Variants in ALMS1 observed in about 807,000 individuals in gnomAD.
ALMS1 encodes ALMS1 centrosome and basal body associated protein.
ALMS1 carries 271 observed loss-of-function variants against 352.2 expected under a neutral mutation model. The ratio of observed to expected loss-of-function variants is 0.77; its 90% CI spans 0.70 to 0.85. The LOEUF (loss-of-function observed/expected upper bound fraction) is 0.85. Ranked by LOEUF, ALMS1 falls within the 40% of genes least tolerant of loss-of-function variation. The pLI is 0.00. For synonymous variants in ALMS1, 1,865 were observed against 1,761.2 expected (o/e 1.06, Z -1.48); for missense variants, 5,445 against 4,870.7 (o/e 1.12, Z -3.51).
intron 16 of ALMS1, among the ~76,000 whole-genome samples, chr2:73,595,724 T>C (rs1460442959): frequency 1.3e-5 from 2 of 152,216 alleles, no homozygotes; most frequent in South Asian, 2.1e-4. Flanking sequence ...TTTTCCAGAG[T>C]GGCTGTATCA....
intron 9 of ALMS1, among the ~76,000 whole-genome samples, chr2:73,459,724 T>C (rs546466145): frequency 3.2e-4 from 49 of 152,306 alleles, no homozygotes; most frequent in African/African-American, 9.9e-4. Context: ...TCACCCACTT[T>C]CTGAGCTAGG....
At chr2:73,544,521 AT>A (rs1474047464) in intron 12 of ALMS1, among the ~76,000 whole-genome samples, 2 of 152,136 alleles carry the variant, frequency 1.3e-5, no homozygotes, top group Non-Finnish European at 1.5e-5. Flanking sequence ...TAGTAAAAAA[AT>A]AAATAAATAA....
At chr2:73,542,106 G>T (rs1187043010) in intron 12 of ALMS1, among the ~76,000 whole-genome samples, 1 of 152,152 alleles carries the variant, frequency 6.6e-6, no homozygotes, top group Non-Finnish European at 1.5e-5. Flanking sequence ...AAACATTGAT[G>T]CAAAAATCCT....
chr2:73,479,605 A>G (rs542311470), intron 9 of ALMS1, among the ~76,000 whole-genome samples: 1 of 152,266 alleles, frequency 6.6e-6, no homozygotes, highest in Non-Finnish European at 1.5e-5. Flanking sequence ...AATGCACCAC[A>G]GTTTAAATAT....
chr2:73,482,756 T>G (rs1279416826), intron 9 of ALMS1, among the ~76,000 whole-genome samples: 8 of 151,884 alleles, frequency 5.3e-5, no homozygotes, highest in Admixed American at 2.6e-4. Context: ...CAATTTCAGA[T>G]CCTGTTATTG....
At chr2:73,568,241 T>C (rs1674843269) in intron 15 of ALMS1, among the ~76,000 whole-genome samples, 3 of 152,214 alleles carry the variant, frequency 2.0e-5, no homozygotes, top group Non-Finnish European at 4.4e-5. Context: ...ATTCATGTAC[T>C]CTTATAAGAC....
At position 73,491,229 on chromosome 2, in the gene ALMS1, A is replaced by G. The variant is rs779871507; in HGVS notation, c.9270A>G (p.Val3090=). 13 of 1,614,040 alleles carry G rather than the reference A, an allele frequency of 8.1e-6. No homozygotes were observed. The highest frequency in any genetic ancestry group is 1.3e-5 in the African/African-American group (1 of 74,944). The change falls in exon 10 of 23, where the codon GTA becomes GTG. Residue 3090 remains valine, a synonymous_variant. Transcript: ENST00000613296. ...NSEFNFDLHT[V]SSRSLEPTSK... ...AGTTTAACTTTGACTTACATACTGT[A>G]TCTTCGAGATCACTGGAACCAACCT...
intron 16 of ALMS1, among the ~76,000 whole-genome samples, chr2:73,588,453 C>T (rs1675355353): frequency 6.6e-6 from 1 of 152,036 alleles, no homozygotes; most frequent in African/African-American, 2.4e-5. Context: ...CTCTTTCCTC[C>T]CCCACCCTTA....
chr2:73,438,738 T>C (rs6746458), intron 7 of ALMS1, among the ~76,000 whole-genome samples: 132,612 of 152,180 alleles, frequency 0.87, 57,863 homozygotes, highest in Admixed American at 0.92. Context: ...ATAGAAAATA[T>C]CAAAAAAGAC....
chr2:73,582,720 A>T (rs1675212550), intron 16 of ALMS1, among the ~76,000 whole-genome samples: 1 of 152,124 alleles, frequency 6.6e-6, no homozygotes, highest in South Asian at 2.1e-4. Flanking sequence ...TCCCTTTTTA[A>T]TTCTGTATGA....
intron 7 of ALMS1, among the ~76,000 whole-genome samples, chr2:73,436,680 A>T (rs1269056400): frequency 6.6e-6 from 1 of 151,752 alleles, no homozygotes; most frequent in Admixed American, 6.6e-5. Flanking sequence ...CCTCTAGTGA[A>T]TTTTTCACTT....
In ALMS1 at chr2:73,542,673, A is replaced by T. The variant is rs1377887988; in HGVS notation, c.9908-7594A>T. Among the ~76,000 whole-genome samples, 7 of 152,340 alleles carry T rather than the reference A, an allele frequency of 4.6e-5. No homozygotes were observed. In the East Asian group the frequency reaches 1.2e-3, roughly 25 times the overall value. ...TAAGCAACTTCAGCAAAGTCACAGGATACAAAATCAGTGTAGAAAAATCAC... is the reference window on the plus strand; with the variant it reads ...TAAGCAACTTCAGCAAAGTCACAGGTTACAAAATCAGTGTAGAAAAATCAC... On this transcript the variant is annotated intron_variant, in intron 12 of 22. Coordinates refer to ENST00000613296, the MANE Select transcript of ALMS1 (RefSeq NM_001378454.1).
chr2:73,593,152 C>G (rs1167146460), intron 16 of ALMS1, among the ~76,000 whole-genome samples: 1 of 148,564 alleles, frequency 6.7e-6, no homozygotes, highest in Non-Finnish European at 1.5e-5. Flanking sequence ...GGAAAGTGAA[C>G]TGTTTTGGTT....
At chr2:73,589,742 T>C (rs967549742) in intron 16 of ALMS1, among the ~76,000 whole-genome samples, 9 of 152,212 alleles carry the variant, frequency 5.9e-5, no homozygotes, top group Non-Finnish European at 1.0e-4. Context: ...CACTTACGCA[T>C]GAACACCCAG....
rs1671871721 is a variant in ALMS1 at position 73,449,079 on chromosome 2, C to G, written c.2552C>G (p.Pro851Arg). Residue 851 changes from proline (P) to arginine (R), a missense_variant, in exon 8 of 23, where the codon CCA (proline) becomes CGA (arginine). By Grantham distance (103) the Pro-to-Arg change is moderately radical. Transcript: ENST00000613296. ...SGPADGKTGT[P>R]AVTSTSSASS... ...CCAGCTGACGGAAAGACTGGGACAC[C>G]AGCTGTAACCTCTACTTCCTCTGCG... 6.2e-7 allele frequency: 1 copy of G among 1,614,020 alleles called. No individual in the cohort carries two copies.
intron 10 of ALMS1, among the ~76,000 whole-genome samples, chr2:73,507,147 T>C (rs1304263872): frequency 2.0e-5 from 3 of 152,234 alleles, no homozygotes; most frequent in Admixed American, 6.5e-5. Context: ...TCTTGGTGGA[T>C]AAGCTTTTGA....
chr2:73,528,453 T>C (rs912700174), intron 11 of ALMS1, among the ~76,000 whole-genome samples: 10 of 152,270 alleles, frequency 6.6e-5, no homozygotes. Context: ...TCTTGCTGAA[T>C]TGACCTCTTT....
chr2:73,490,318 A>T lies in ALMS1; in HGVS notation c.8359A>T (p.Ile2787Phe), dbSNP rs200075429. 1 of 1,611,666 alleles carries T rather than the reference A, an allele frequency of 6.2e-7. No homozygotes were observed. Among genetic ancestry groups the T allele is most frequent in the East Asian group, 2.2e-5 (1 of 44,860 alleles). The change falls in exon 10 of 23, where the codon ATT becomes TTT. Residue 2787 changes from isoleucine to phenylalanine, a missense_variant. Ile to Phe is a conservative substitution (Grantham distance 21, BLOSUM62 0). Coordinates refer to ENST00000613296, the MANE Select transcript of ALMS1 (RefSeq NM_001378454.1). ...TAATTCACAAGATAAAGAAGTGACT[A>T]TTTTAGCAGAAGGTAGAAGGCAAAG... ...HSNSQDKEVTILAEGRRQSQK... is the reference protein window; with the variant it reads ...HSNSQDKEVTFLAEGRRQSQK...
chr2:73,416,152 T>C (rs372780713), intron 2 of ALMS1, among the ~76,000 whole-genome samples: 1 of 152,166 alleles, frequency 6.6e-6, no homozygotes, highest in African/African-American at 2.4e-5. Context: ...CACAAGATGA[T>C]TGGAATTCTG....
Sources: allele counts gnomAD v4.1 joint callset (sites outside exome capture counted in the v4.1 genomes callset), GRCh38; gene constraint gnomAD v4.1.1; transcripts MANE v1.5; gene names NCBI Gene and HGNC (gene_info 2026-07-23, HGNC 2026-07-21).